Variants in AAK1 observed in about 807,000 individuals in gnomAD.
AAK1 encodes the protein AP2 associated kinase 1.
A neutral mutation model predicts 116.0 loss-of-function variants in AAK1; 37 were observed. The observed-to-expected ratio is 0.32, with a 90% CI of 0.25 to 0.42. AAK1 has a LOEUF of 0.42. Among genes scored for constraint, AAK1 ranks in the 10% least tolerant of loss-of-function variants. The probability of loss-of-function intolerance (pLI) is 1.00; values close to 1 mark genes in which losing one functional copy is unlikely to be tolerated. For missense variants in AAK1, 919 were observed against 1,170.6 expected (o/e 0.79, Z 3.14); for synonymous variants, 458 against 439.9 (o/e 1.04, Z -0.51).
Position 69,473,825 on chromosome 2 carries a change from TG to T in AAK1, c.*2043del. 1.0e-6 allele frequency: 1 copy of T among 985,806 alleles called. No homozygotes were observed. The highest frequency in any genetic ancestry group is 4.7e-5 in the South Asian group (1 of 21,284). 61.1% of individuals were successfully genotyped at this position (985,806 alleles called of 1,614,324 possible). A position where few individuals can be genotyped will look rare whatever the true frequency, so the allele number is the denominator to read the frequency against. ...TTCATTAATTTATACATTCTTTCTATGTCCAGGAAAGAGAATACAATTCTGA... is the reference window on the plus strand; with the variant it reads ...TTCATTAATTTATACATTCTTTCTATTCCAGGAAAGAGAATACAATTCTGA... On this transcript the variant is annotated 3_prime_UTR_variant, in exon 22 of 22. Transcript: ENST00000409085.
At chr2:69,571,065 A>G (rs1672076190) in intron 2 of AAK1, among the ~76,000 whole-genome samples, 1 of 152,118 alleles carries the variant, frequency 6.6e-6, no homozygotes, top group Non-Finnish European at 1.5e-5. Context: ...TATGCATTCT[A>G]GTCTTTCTTG....
In AAK1 at chr2:69,550,419, C is replaced by G. The variant is rs140520082; in HGVS notation, c.283-5875G>C. 6.2e-3 allele frequency among the ~76,000 whole-genome samples: 942 copies of G among 152,232 alleles called. 5 individuals are homozygous for G. Among genetic ancestry groups the G allele is most frequent in the African/African-American group, 0.022 (910 of 41,540 alleles). Reference sequence around the variant, plus strand: ...TCCCAGCCTCAAGCGATTCTCCTGCCTCAGCCTCCCAAGTAGCTGGGATTA... The same window carrying G: ...TCCCAGCCTCAAGCGATTCTCCTGCGTCAGCCTCCCAAGTAGCTGGGATTA... On this transcript the variant is annotated intron_variant, in intron 3 of 21. Transcript: ENST00000409085.
At chr2:69,551,089 T>TAC (rs145389086) in intron 3 of AAK1, among the ~76,000 whole-genome samples, 551 of 150,342 alleles carry the variant, frequency 3.7e-3, no homozygotes, top group South Asian at 7.8e-3. Context: ...GTATTATGTA[T>TAC]ACACACACAC....
In AAK1 at chr2:69,482,871, G is replaced by A. The variant is rs561249336; in HGVS notation, c.2366-59C>T. 5.4e-5 allele frequency: 57 copies of A among 1,058,292 alleles called. No individual in the cohort carries two copies. The East Asian group carries it at 8.8e-4, about 16-fold the overall frequency. The allele number at this position is 1,058,292 out of a possible 1,614,324, so 65.6% of individuals were successfully genotyped here. On this transcript the variant is annotated intron_variant, in intron 17 of 21. Coordinates refer to ENST00000409085, the MANE Select transcript of AAK1 (RefSeq NM_014911.5). ...AATGTAGTAAGATATTAAAGCCAGC[G>A]GATCATTCACTATTCTTTAAGCAAA... is the stretch of plus-strand genomic sequence containing the variant.
intron 2 of AAK1, chr2:69,597,687 G>A (rs117726256): frequency 6.6e-6 from 1 of 151,042 alleles, no homozygotes; most frequent in Non-Finnish European, 1.5e-5. Context: ...CTGGGCAACA[G>A]AGGGAGACTC....
intron 2 of AAK1, among the ~76,000 whole-genome samples, 153 bp downstream of exon 2, chr2:69,642,712 CAAATCTCAATTTT>C (rs1306312481): frequency 6.6e-6 from 1 of 152,164 alleles, no homozygotes; most frequent in African/African-American, 2.4e-5. Flanking sequence ...CAGTCACTTT[CAAATCTCAATTTT>C]AAATCTCTCA....
At chr2:69,539,398 C>A (rs56001038) in intron 5 of AAK1, among the ~76,000 whole-genome samples, 7,472 of 150,790 alleles carry the variant, frequency 0.05, 562 homozygotes, top group African/African-American at 0.18. Flanking sequence ...CCCCATTTGA[C>A]ATGGAAGGGG....
intron 2 of AAK1, among the ~76,000 whole-genome samples, chr2:69,575,795 A>T (rs1335892384): frequency 1.3e-5 from 2 of 152,178 alleles, no homozygotes; most frequent in Non-Finnish European, 2.9e-5. Flanking sequence ...AAATAAAGAC[A>T]GGATCAGTAT....
intron 15 of AAK1, among the ~76,000 whole-genome samples, chr2:69,506,781 A>G (rs1359535311): frequency 6.6e-6 from 1 of 152,144 alleles, no homozygotes; most frequent in Non-Finnish European, 1.5e-5. Context: ...CTACATTGAG[A>G]GTACTTTTTA....
chr2:69,627,085 C>T (rs979536407), intron 2 of AAK1, among the ~76,000 whole-genome samples: 2 of 151,704 alleles, frequency 1.3e-5, no homozygotes, highest in Non-Finnish European at 2.9e-5. Context: ...GTCAGGAGTT[C>T]GAGACCAGCC....
chr2:69,491,792 T>A (rs1395200201), intron 17 of AAK1, among the ~76,000 whole-genome samples: 2 of 152,222 alleles, frequency 1.3e-5, no homozygotes, highest in Non-Finnish European at 2.9e-5. Flanking sequence ...TAGGTTTTAG[T>A]ATTGCCAATT....
Position 69,482,895 on chromosome 2 carries a change from A to G in AAK1, c.2366-83T>C, listed in dbSNP as rs544480811. The G allele has an allele frequency of 1.9e-3, 1,556 of 830,040 alleles. 23 individuals carry two copies. The highest frequency in any genetic ancestry group is 0.016 in the South Asian group (988 of 63,042). The allele number at this position is 830,040 out of a possible 1,614,324, so 51.4% of individuals were successfully genotyped here. A position where few individuals can be genotyped will look rare whatever the true frequency, so the allele number is the denominator to read the frequency against. ...CGGATCATTCACTATTCTTTAAGCA[A>G]ACACATTTTAGGGGTCAATATTTGG... On this transcript the variant is annotated intron_variant, in intron 17 of 21. Transcript: ENST00000409085.
intron 3 of AAK1, among the ~76,000 whole-genome samples, chr2:69,555,308 T>C (rs539771456): frequency 3.3e-5 from 5 of 152,240 alleles, no homozygotes; most frequent in Non-Finnish European, 5.9e-5. Context: ...CCTTGGGAGT[T>C]GGCTGGTTTG....
At chr2:69,571,666 C>T (rs879283993) in intron 2 of AAK1, among the ~76,000 whole-genome samples, 3 of 152,100 alleles carry the variant, frequency 2.0e-5, no homozygotes, top group Non-Finnish European at 4.4e-5. Context: ...CTAAAAATTA[C>T]ACTTGATGAG....
chr2:69,476,177 A>C (rs929511002), intron 21 of AAK1, among the ~76,000 whole-genome samples: 33 of 152,268 alleles, frequency 2.2e-4, no homozygotes, highest in African/African-American at 7.7e-4. Flanking sequence ...CTCCCACCAA[A>C]AGCTCAGGCA....
At chr2:69,595,791 C>T (rs1280590504) in intron 2 of AAK1, among the ~76,000 whole-genome samples, 2 of 152,184 alleles carry the variant, frequency 1.3e-5, no homozygotes, top group Admixed American at 6.5e-5. Flanking sequence ...GAAGAAGATG[C>T]CATCTAAGAC....
chr2:69,553,243 G>C (rs1317791283), intron 3 of AAK1, among the ~76,000 whole-genome samples: 1 of 151,998 alleles, frequency 6.6e-6, no homozygotes, highest in African/African-American at 2.4e-5. Context: ...TAAATTTCCT[G>C]GTAGAATATA....
chr2:69,518,382 GAAA>G (rs1462624268), intron 12 of AAK1, among the ~76,000 whole-genome samples: 1 of 143,352 alleles, frequency 7.0e-6, no homozygotes, highest in Admixed American at 6.9e-5. Context: ...GAAAAAAGAA[GAAA>G]AAAAAGCAGT....
Position 69,467,001 on chromosome 2 carries a change from A to C in AAK1, c.*8868T>G, listed in dbSNP as rs1674508676. ...TCTGGCATGTGGTCATCCGCGCCACATGCAGAGGGACAAACTCTCTGAAAA... is the reference window on the plus strand; with the variant it reads ...TCTGGCATGTGGTCATCCGCGCCACCTGCAGAGGGACAAACTCTCTGAAAA... On this transcript the variant is annotated 3_prime_UTR_variant, in exon 22 of 22. Transcript: ENST00000409085. 4.1e-6 allele frequency: 4 copies of C among 985,458 alleles called. No individual in the cohort carries two copies. Among genetic ancestry groups the C allele is most frequent in the Middle Eastern group, 1.0e-3 (2 of 1,914 alleles). The allele number at this position is 985,458 out of a possible 1,614,324, so 61.0% of individuals were successfully genotyped here. A position where few individuals can be genotyped will look rare whatever the true frequency, so the allele number is the denominator to read the frequency against.
Sources: allele counts gnomAD v4.1 joint callset (sites outside exome capture counted in the v4.1 genomes callset), GRCh38; gene constraint gnomAD v4.1.1; transcripts MANE v1.5; gene names NCBI Gene and HGNC (gene_info 2026-07-23, HGNC 2026-07-21).